HM13: variants seen among roughly 807,000 people sequenced by gnomAD.
HM13 encodes histocompatibility minor 13, also known as signal peptide peptidase.
Under a neutral mutation model 50.0 loss-of-function variants are expected in HM13, and 18 were observed. The ratio of observed to expected loss-of-function variants is 0.36; its 90% CI spans 0.25 to 0.53. The LOEUF (loss-of-function observed/expected upper bound fraction) is 0.53, where lower values mean the gene tolerates loss of function less well. Among genes scored for constraint, HM13 ranks in the 20% least tolerant of loss-of-function variants. The pLI is 0.90. For synonymous variants in HM13, 197 were observed against 232.6 expected (o/e 0.85, Z 1.39); for missense variants, 393 against 552.4 (o/e 0.71, Z 2.89).
At chr20:31,532,254 G>A (rs1050832381) in intron 2 of HM13, among the ~76,000 whole-genome samples, 1 of 152,000 alleles carries the variant, frequency 6.6e-6, no homozygotes, top group African/African-American at 2.4e-5. Context: ...GTGAAACCCC[G>A]TCTCTACTGA....
intron 3 of HM13, chr20:31,541,762 A>G (rs533749379): frequency 5.3e-5 from 8 of 152,374 alleles, no homozygotes; most frequent in African/African-American, 1.7e-4. Context: ...TTTCTCAAGG[A>G]AAGTCTACAG....
At chr20:31,542,889 A>G (rs1983523360) in intron 3 of HM13, among the ~76,000 whole-genome samples, 1 of 152,182 alleles carries the variant, frequency 6.6e-6, no homozygotes, top group Admixed American at 6.5e-5. Context: ...TCAGACCACT[A>G]ATAAGTGGCA....
At chr20:31,537,025 CAG>C (rs1283500548) in intron 2 of HM13, among the ~76,000 whole-genome samples, 1 of 152,232 alleles carries the variant, frequency 6.6e-6, no homozygotes, top group Non-Finnish European at 1.5e-5. Flanking sequence ...GGCAATCAAT[CAG>C]TATGGGCTGA....
rs2122519883 is a variant in HM13 at position 31,514,837 on chromosome 20, C to T, written c.183+103C>T. On this transcript the variant is annotated intron_variant, in intron 1 of 12. Transcript: ENST00000398174. The surrounding 1 kb of genome is among the most constrained non-coding windows in gnomAD (Gnocchi z 4.3). ...AGACACCTCTCCCCGGACACTGACT[C>T]TTCCCAGCCCTGATCACCACCGTTC... 2 of 1,106,334 alleles carry T rather than the reference C, an allele frequency of 1.8e-6. No individual in the cohort carries two copies. Among genetic ancestry groups the T allele is most frequent in the Admixed American group, 6.0e-5 (2 of 33,188 alleles). 68.5% of individuals were successfully genotyped at this position (1,106,334 alleles called of 1,614,324 possible).
intron 4 of HM13, 178 bp from the exon 5 acceptor site, chr20:31,548,851 G>T: frequency 1.5e-6 from 1 of 652,984 alleles, no homozygotes; most frequent in Non-Finnish European, 2.7e-6. Context: ...GGTTGGGGTG[G>T]CTCCAGTGAG....
At chr20:31,518,228 T>C (rs1161125938) in intron 1 of HM13, among the ~76,000 whole-genome samples, 2 of 151,632 alleles carry the variant, frequency 1.3e-5, no homozygotes, top group African/African-American at 4.8e-5. Context: ...AGAGACGGGA[T>C]TTCTCCATGT....
chr20:31,547,893 G>C (rs1421796609), intron 4 of HM13: 1 of 1,052,614 alleles, frequency 9.5e-7, no homozygotes, highest in Non-Finnish European at 1.5e-6. Flanking sequence ...CAGTAGATAC[G>C]ATTGTAGCAG....
intron 1 of HM13, among the ~76,000 whole-genome samples, chr20:31,524,137 G>A (rs1292441603): frequency 6.6e-6 from 1 of 152,148 alleles, no homozygotes; most frequent in Non-Finnish European, 1.5e-5. Context: ...CATTTTGGGA[G>A]GCCAAGGCAG....
At chr20:31,535,121 A>C (rs1226666525) in intron 2 of HM13, 1 of 151,658 alleles carries the variant, frequency 6.6e-6, no homozygotes, top group African/African-American at 2.4e-5. Flanking sequence ...GGCCAGAAGG[A>C]GAACCTGGGC....
At chr20:31,544,042 G>T (rs1421620377) in intron 3 of HM13, among the ~76,000 whole-genome samples, 1 of 152,138 alleles carries the variant, frequency 6.6e-6, no homozygotes, top group African/African-American at 2.4e-5. Flanking sequence ...CATTCATCCT[G>T]CCTTCTTTCA....
intron 11 of HM13, among the ~76,000 whole-genome samples, chr20:31,567,158 C>T (rs1002332757): frequency 5.3e-5 from 8 of 152,200 alleles, no homozygotes; most frequent in African/African-American, 1.9e-4. Context: ...CACATTGCCT[C>T]GCCCAGCAAA....
At chr20:31,536,521 T>C (rs1191729891) in intron 2 of HM13, among the ~76,000 whole-genome samples, 1 of 152,076 alleles carries the variant, frequency 6.6e-6, no homozygotes, top group African/African-American at 2.4e-5. Context: ...AGAGAAGTCC[T>C]CTCATGCTGT....
chr20:31,565,512 C>CT (rs1329305301), intron 10 of HM13, among the ~76,000 whole-genome samples: 33 of 151,144 alleles, frequency 2.2e-4, no homozygotes, highest in Non-Finnish European at 4.4e-4. Flanking sequence ...ATTTGGGTCT[C>CT]TGAGTCCTGG....
chr20:31,533,986 C>G (rs1982967758), intron 2 of HM13, among the ~76,000 whole-genome samples: 1 of 152,158 alleles, frequency 6.6e-6, no homozygotes. Context: ...CTCAGTTAAT[C>G]TTCCCACCTC....
Position 31,561,748 on chromosome 20 carries a change from G to A in HM13, c.948+12G>A, listed in dbSNP as rs774866838. 21 of 1,563,346 alleles carry A rather than the reference G, an allele frequency of 1.3e-5. No individual in the cohort carries two copies. The highest frequency in any genetic ancestry group is 2.2e-5 in the South Asian group (2 of 90,018). ...TCAAGCATGCTCAGGTGGGCAGGAC[G>A]GTATCAGAGTGTCAGGAATGCCTCA... On this transcript the variant is annotated intron_variant, in intron 10 of 12. Coordinates refer to ENST00000398174, the MANE Select transcript of HM13 (RefSeq NM_178581.3).
intron 1 of HM13, among the ~76,000 whole-genome samples, chr20:31,517,316 G>A (rs1981852010): frequency 6.6e-6 from 1 of 152,266 alleles, no homozygotes; most frequent in Non-Finnish European, 1.5e-5. Flanking sequence ...AGTAGCCTTG[G>A]GAGGAGCAGT....
rs1222507689 is a variant in HM13, at chr20:31,514,610, A to G, written c.59A>G (p.Asn20Ser). ...AGTGCCGAGGCAGGCGGCCCCACCAACAGCACTACGCGGCCGCCTTCCACG... is the reference window on the plus strand; with the variant it reads ...AGTGCCGAGGCAGGCGGCCCCACCAGCAGCACTACGCGGCCGCCTTCCACG... Reference protein sequence around the residue: ...NGSAEAGGPTNSTTRPPSTPE... With the variant: ...NGSAEAGGPTSSTTRPPSTPE... Residue 20 changes from asparagine (N) to serine (S), a missense_variant, in exon 1 of 13, where the codon AAC (asparagine) becomes AGC (serine). Around this residue, in one of 3 missense-constraint regions of HM13, gnomAD observed 214 missense variants for 276.1 expected, o/e 0.77. Transcript: ENST00000398174. The surrounding 1 kb of genome is among the most constrained non-coding windows in gnomAD (Gnocchi z 4.3). 1 of 1,598,732 alleles carries G rather than the reference A, an allele frequency of 6.3e-7. No homozygotes were observed.
chr20:31,527,451 G>A (rs375118172), intron 1 of HM13, 33 bp from the exon 2 acceptor site: 63 of 1,481,278 alleles, frequency 4.3e-5, no homozygotes, highest in South Asian at 1.4e-4. Context: ...GGAACCAGCC[G>A]TGCTGAGCCA....
chr20:31,552,564 G>GT lies in HM13; in HGVS notation c.725-2181dup, dbSNP rs1334621871. On this transcript the variant is annotated intron_variant, in intron 7 of 12. Coordinates refer to ENST00000398174, the MANE Select transcript of HM13 (RefSeq NM_178581.3). ...CCACTGCCTTCTACTGCTAGGACTAGTGCTCAGTGGCAGAAAGGCAGAACA... is the reference window on the plus strand; with the variant it reads ...CCACTGCCTTCTACTGCTAGGACTAGTTGCTCAGTGGCAGAAAGGCAGAACA... 3.3e-5 allele frequency among the ~76,000 whole-genome samples: 5 copies of GT among 152,314 alleles called. No individual in the cohort carries two copies. In the East Asian group the frequency reaches 9.7e-4, roughly 29 times the overall value.
Sources: gnomAD v4.1 joint callset for allele counts (sites outside exome capture counted in the v4.1 genomes callset) on GRCh38, gnomAD v4.1.1 for gene constraint, gnomAD v4.1.1 regional missense constraint, Gnocchi (gnomAD v3.1) non-coding constraint, MANE v1.5 for transcripts, NCBI Gene and HGNC (gene_info 2026-07-23, HGNC 2026-07-21) for gene names.